TMEM87A: variants seen among roughly 807,000 people sequenced by gnomAD.
The protein encoded by TMEM87A is Golgi-pH regulating cation channel.
In TMEM87A, 50 loss-of-function variants were observed where a neutral mutation model predicts 90.0. That is an observed-to-expected ratio of 0.56 (90% CI 0.44 to 0.70). The LOEUF (loss-of-function observed/expected upper bound fraction) is 0.70. Ranked by LOEUF, TMEM87A falls within the 30% of genes least tolerant of loss-of-function variation. The pLI is 0.00. For missense variants in TMEM87A, 577 were observed against 660.5 expected, an observed-to-expected ratio of 0.87 and a Z score of 1.39; for synonymous variants, 226 against 226.7, an observed-to-expected ratio of 1.00 and a Z score of 0.03.
rs774084873 is a variant in TMEM87A, at chr15:42,261,253, T to C, written c.406-4A>G. ...GCATAAAATCTCCAGAAAAGGTCTA[T>C]AAAAGAAACACAAAACAAAACATTA... On this transcript the variant is annotated splice_polypyrimidine_tract_variant and splice_region_variant and intron_variant, in intron 4 of 19. Coordinates refer to ENST00000389834, the MANE Select transcript of TMEM87A (RefSeq NM_015497.5). 2 of 1,612,218 alleles carry C rather than the reference T, an allele frequency of 1.2e-6. No individual in the cohort carries two copies. Among genetic ancestry groups the C allele is most frequent in the Admixed American group, 1.7e-5 (1 of 59,744 alleles).
chr15:42,271,412 G>A (rs1019579799), intron 2 of TMEM87A: 1 of 152,138 alleles, frequency 6.6e-6, no homozygotes, highest in African/African-American at 2.4e-5. Context: ...CCACCATGCA[G>A]GGAATCAACC....
Position 42,233,257 on chromosome 15 carries a change from A to AC in TMEM87A, c.1017_1018insG (p.Tyr340ValfsTer19). The stretch of plus-strand genomic sequence containing the variant: ...CCTTCCATGCCAGAGAACAAAAGAT[A>AC]GAGGGCTCCTGCTACTACAACCTTA... On this transcript the variant is annotated frameshift_variant, in exon 11 of 20. Transcript: ENST00000389834. LOFTEE classifies it high-confidence loss of function. The AC allele has an allele frequency of 6.2e-7, 1 of 1,614,082 alleles. No homozygotes were observed. Among genetic ancestry groups the AC allele is most frequent in the Non-Finnish European group, 8.5e-7 (1 of 1,179,994 alleles).
intron 19 of TMEM87A, among the ~76,000 whole-genome samples, chr15:42,213,859 CCAAA>C (rs1255526810): frequency 1.3e-5 from 2 of 151,648 alleles, no homozygotes; most frequent in Non-Finnish European, 2.9e-5. Context: ...GAAACATGGC[CCAAA>C]CAAAGGAAGA....
chr15:42,263,099 G>T (rs146513640), intron 4 of TMEM87A, among the ~76,000 whole-genome samples: 29 of 152,234 alleles, frequency 1.9e-4, no homozygotes, highest in African/African-American at 7.0e-4. Flanking sequence ...ATTTTTCTGG[G>T]AACATATTAA....
chr15:42,261,221 A>G lies in TMEM87A; in HGVS notation c.434T>C (p.Leu145Pro). The change falls in exon 5 of 20, where the codon CTG becomes CCG. Residue 145 changes from leucine to proline, a missense_variant. Coordinates refer to ENST00000389834, the MANE Select transcript of TMEM87A (RefSeq NM_015497.5). Reference sequence around the variant, plus strand: ...CTCCTGTTTTTCTCCTAAAAGAGGCAGTCGATGCATAAAATCTCCAGAAAA... The same window carrying G: ...CTCCTGTTTTTCTCCTAAAAGAGGCGGTCGATGCATAAAATCTCCAGAAAA... ...QTFSGDFMHR[L>P]PLLGEKQEAK... The G allele has an allele frequency of 6.2e-7, 1 of 1,613,722 alleles. No homozygotes were observed.
intron 15 of TMEM87A, among the ~76,000 whole-genome samples, chr15:42,222,619 C>T (rs530530451): frequency 6.6e-6 from 1 of 151,976 alleles, no homozygotes; most frequent in East Asian, 1.9e-4. Context: ...AGTGCAACGG[C>T]ATGATCTCAG....
intron 3 of TMEM87A, among the ~76,000 whole-genome samples, chr15:42,264,556 C>A (rs1333810318): frequency 6.8e-6 from 1 of 147,332 alleles, no homozygotes; most frequent in Non-Finnish European, 1.5e-5. Flanking sequence ...TGCTCATAAG[C>A]TAAGATAGAG....
intron 8 of TMEM87A, 109 bp downstream of exon 8, chr15:42,239,561 T>C: frequency 3.2e-6 from 3 of 937,474 alleles, no homozygotes; most frequent in South Asian, 1.4e-5. Flanking sequence ...CAACATTTTC[T>C]GAATTGCACA....
chr15:42,239,200 C>A (rs984802585), intron 8 of TMEM87A, among the ~76,000 whole-genome samples: 1 of 152,072 alleles, frequency 6.6e-6, no homozygotes, highest in African/African-American at 2.4e-5. Flanking sequence ...ACCACCACGC[C>A]CAGCTAATTT....
intron 19 of TMEM87A, among the ~76,000 whole-genome samples, chr15:42,213,380 T>C (rs1389938214): frequency 6.6e-6 from 1 of 152,148 alleles, no homozygotes; most frequent in African/African-American, 2.4e-5. Flanking sequence ...AGTAAGCAGG[T>C]AGAATCCCCA....
intron 1 of TMEM87A, 76 bp downstream of exon 1, chr15:42,273,179 T>C (rs915412368): frequency 5.1e-6 from 8 of 1,582,194 alleles, no homozygotes; most frequent in South Asian, 4.5e-5. Flanking sequence ...TTGCGGAACC[T>C]TCATGGACCC....
At chr15:42,234,899 TCTC>T (rs1342136086) in intron 10 of TMEM87A, among the ~76,000 whole-genome samples, 6 of 152,146 alleles carry the variant, frequency 3.9e-5, no homozygotes, top group African/African-American at 1.4e-4. Context: ...CTCACTGGTC[TCTC>T]CTCAATTTCT....
chr15:42,257,958 T>C lies in TMEM87A; in HGVS notation c.504+3000A>G, dbSNP rs2051214561. 3.1e-6 allele frequency: 3 copies of C among 982,472 alleles called. No individual in the cohort carries two copies. In the African/African-American group the frequency reaches 5.2e-5, roughly 17 times the overall value. 60.9% of individuals were successfully genotyped at this position (982,472 alleles called of 1,614,324 possible). On this transcript the variant is annotated intron_variant, in intron 6 of 19. Transcript: ENST00000389834. ...TATTAGAACATAAAATTACAAAGGA[T>C]TTTTACTTTTAAGTTATAGAATTAA... is the stretch of plus-strand genomic sequence containing the variant.
chr15:42,218,166 A>C (rs1224160446), intron 18 of TMEM87A, among the ~76,000 whole-genome samples, 157 bp downstream of exon 18: 1 of 152,248 alleles, frequency 6.6e-6, no homozygotes, highest in African/African-American at 2.4e-5. Context: ...CATCTGAATG[A>C]ATAAACCCAA....
intron 16 of TMEM87A, among the ~76,000 whole-genome samples, 169 bp from the exon 17 acceptor site, chr15:42,219,811 C>T (rs2050442074): frequency 6.6e-6 from 1 of 152,066 alleles, no homozygotes; most frequent in Admixed American, 6.5e-5. Context: ...GATGCTTCTC[C>T]ATCTTTATAT....
In TMEM87A at chr15:42,215,535, C is replaced by T. The variant is rs190355357; in HGVS notation, c.1626+2268G>A. Among the ~76,000 whole-genome samples, 9 of 152,148 alleles carry T rather than the reference C, an allele frequency of 5.9e-5. No individual in the cohort carries two copies. In the East Asian group the frequency reaches 1.4e-3, roughly 23 times the overall value. ...ATCCAAAATATATAAGAAACCCCTA[C>T]AATTCAACAGCAAAAAATCAACTAA... On this transcript the variant is annotated intron_variant, in intron 19 of 19. Transcript: ENST00000389834.
intron 19 of TMEM87A, among the ~76,000 whole-genome samples, chr15:42,213,144 G>C (rs1386219538): frequency 6.6e-6 from 1 of 152,184 alleles, no homozygotes; most frequent in Non-Finnish European, 1.5e-5. Context: ...ACATGATAGA[G>C]AGGAAACCCT....
intron 6 of TMEM87A, chr15:42,258,100 A>G: frequency 1.0e-6 from 1 of 978,350 alleles, no homozygotes; most frequent in African/African-American, 1.7e-5. Flanking sequence ...AACTCATAAA[A>G]GTTCAAGAAC....
rs571325388 is a variant in TMEM87A, at chr15:42,268,981, G to A, written c.206-949C>T. 2.6e-5 allele frequency among the ~76,000 whole-genome samples: 4 copies of A among 151,922 alleles called. No individual in the cohort carries two copies. In the South Asian group the frequency reaches 8.3e-4, roughly 31 times the overall value. The stretch of plus-strand genomic sequence containing the variant: ...AAAGCAAACATGGCTGTGGAAGGTA[G>A]AAATAGCAAAAGCAAAGATAAGAGT... On this transcript the variant is annotated intron_variant, in intron 2 of 19. Coordinates refer to ENST00000389834, the MANE Select transcript of TMEM87A (RefSeq NM_015497.5).
Sources: gnomAD v4.1 joint callset for allele counts (sites outside exome capture counted in the v4.1 genomes callset) on GRCh38, gnomAD v4.1.1 for gene constraint, MANE v1.5 for transcripts, NCBI Gene and HGNC (gene_info 2026-07-23, HGNC 2026-07-21) for gene names.